The following LITAF variants were observed in gnomAD, a reference collection of about 807,000 sequenced individuals.
LITAF encodes lipopolysaccharide-induced tumor necrosis factor-alpha factor.
In LITAF, 9 loss-of-function variants were observed where a neutral mutation model predicts 14.5. That is an observed-to-expected ratio of 0.62 (90% confidence interval 0.37 to 1.08). The LOEUF (loss-of-function observed/expected upper bound fraction) is 1.08, where lower values mean the gene tolerates loss of function less well. LITAF is among the 50% of genes least tolerant of loss of function. The pLI is 0.01. For missense variants in LITAF, 206 were observed against 213.4 expected (o/e 0.97, Z 0.22); for synonymous variants, 98 against 88.2 (o/e 1.11, Z -0.62).
chr16:11,594,731 C>G (rs930443126), intron 1 of LITAF, among the ~76,000 whole-genome samples: 5 of 151,918 alleles, frequency 3.3e-5, no homozygotes, highest in Admixed American at 3.3e-4. Flanking sequence ...CAAAAATTAG[C>G]CGGGCATGGT....
intron 3 of LITAF, among the ~76,000 whole-genome samples, chr16:11,604,974 G>A (rs2064947433): frequency 6.6e-6 from 1 of 152,130 alleles, no homozygotes; most frequent in Non-Finnish European, 1.5e-5. Context: ...TGAAACATCT[G>A]TTCTCCTGTG....
At chr16:11,625,652 T>C (rs552909463) in intron 3 of LITAF, among the ~76,000 whole-genome samples, 28 of 152,238 alleles carry the variant, frequency 1.8e-4, no homozygotes, top group Non-Finnish European at 3.8e-4. Flanking sequence ...AAACCCTGAG[T>C]TCCCCTAGGT....
At chr16:11,555,219 A>G (rs1392158473) in intron 2 of LITAF, among the ~76,000 whole-genome samples, 6 of 152,090 alleles carry the variant, frequency 3.9e-5, no homozygotes, top group African/African-American at 7.2e-5. Context: ...CATAGAGACA[A>G]TGTCTCACTA....
intron 1 of LITAF, among the ~76,000 whole-genome samples, chr16:11,563,032 G>A (rs1205417306): frequency 6.6e-6 from 1 of 151,828 alleles, no homozygotes; most frequent in Non-Finnish European, 1.5e-5. Flanking sequence ...GGAAGCTGAG[G>A]TCGGAGGATT....
In LITAF at chr16:11,547,922, A is replaced by C. The variant is rs1274970328; in HGVS notation, c.*1715T>G. ...AAGGATTTTCTACCGTTACTGAACAAATAAAGGTTCTTTGTAGCAATGGCT... is the reference window on the plus strand; with the variant it reads ...AAGGATTTTCTACCGTTACTGAACACATAAAGGTTCTTTGTAGCAATGGCT... On this transcript the variant is annotated 3_prime_UTR_variant, in exon 4 of 4. Coordinates refer to ENST00000622633, the MANE Select transcript of LITAF (RefSeq NM_001136472.2). The C allele has an allele frequency of 8.8e-6, 4 of 454,046 alleles. No individual in the cohort carries two copies. The East Asian group carries it at 2.8e-4, about 32-fold the overall frequency. The allele number at this position is 454,046 out of a possible 1,614,324, so 28.1% of individuals were successfully genotyped here. A position where few individuals can be genotyped will look rare whatever the true frequency, so the allele number is the denominator to read the frequency against.
intron 3 of LITAF, among the ~76,000 whole-genome samples, chr16:11,621,853 C>T (rs1171856064): frequency 6.6e-6 from 1 of 152,020 alleles, no homozygotes; most frequent in Admixed American, 6.6e-5. Context: ...CTCAGAGCTC[C>T]GGGGCAATGC....
At chr16:11,619,295 A>C (rs973317492) in intron 3 of LITAF, among the ~76,000 whole-genome samples, 1 of 151,796 alleles carries the variant, frequency 6.6e-6, no homozygotes, top group Non-Finnish European at 1.5e-5. Flanking sequence ...TGGGTGACAA[A>C]GCAAGACTTC....
intron 3 of LITAF, among the ~76,000 whole-genome samples, chr16:11,615,636 C>T (rs1464297885): frequency 6.6e-6 from 1 of 151,960 alleles, no homozygotes; most frequent in African/African-American, 2.4e-5. Flanking sequence ...CCACTGCACT[C>T]CAGCCTGGGA....
intron 3 of LITAF, chr16:11,551,662 CACAA>C: frequency 1.8e-6 from 1 of 543,978 alleles, no homozygotes; most frequent in Non-Finnish European, 3.3e-6. Flanking sequence ...CTTCCACACA[CACAA>C]AAAAAAAATT....
intron 1 of LITAF, among the ~76,000 whole-genome samples, chr16:11,581,526 G>A (rs956793372): frequency 1.3e-5 from 2 of 152,104 alleles, no homozygotes; most frequent in African/African-American, 4.8e-5. Flanking sequence ...GAGGTGGAAG[G>A]ATGGCTTGAG....
rs78791063 is a variant in LITAF, at chr16:11,568,415, C to T, written c.-5-11680G>A. On this transcript the variant is annotated intron_variant, in intron 1 of 3. Transcript: ENST00000622633. Reference sequence around the variant, plus strand: ...AAATTCAGAAATACTTGTCACTCCACGCTCATCACCTGGTCCTTGGGGTAG... The same window carrying T: ...AAATTCAGAAATACTTGTCACTCCATGCTCATCACCTGGTCCTTGGGGTAG... 7.9e-5 allele frequency among the ~76,000 whole-genome samples: 12 copies of T among 152,256 alleles called. No individual in the cohort carries two copies. In the East Asian group the frequency reaches 1.5e-3, roughly 20 times the overall value.
chr16:11,574,022 T>C (rs2064590393), intron 1 of LITAF, among the ~76,000 whole-genome samples: 1 of 148,896 alleles, frequency 6.7e-6, no homozygotes, highest in Non-Finnish European at 1.5e-5. Context: ...TTTTTTTTTG[T>C]TGTTGTTTTT....
At chr16:11,623,677 T>G (rs2065065291) in intron 3 of LITAF, among the ~76,000 whole-genome samples, 1 of 140,742 alleles carries the variant, frequency 7.1e-6, no homozygotes, top group African/African-American at 2.7e-5. Context: ...AAAAAGGATC[T>G]CTCTCTTGGC....
At chr16:11,569,734 G>T (rs1468775560) in intron 1 of LITAF, among the ~76,000 whole-genome samples, 3 of 152,154 alleles carry the variant, frequency 2.0e-5, no homozygotes, top group African/African-American at 7.2e-5. Flanking sequence ...AGGGCTAAAA[G>T]AAAGGTAAGA....
At chr16:11,594,227 T>A (rs970248982) in intron 1 of LITAF, among the ~76,000 whole-genome samples, 5 of 151,938 alleles carry the variant, frequency 3.3e-5, no homozygotes, top group African/African-American at 1.2e-4. Context: ...TGGTGGTGAC[T>A]GCAAAACACT....
At chr16:11,639,993 T>G (rs1355835184), upstream of LITAF, among the ~76,000 whole-genome samples, 5 of 152,310 alleles carry the variant, frequency 3.3e-5, no homozygotes, top group African/African-American at 1.2e-4. Flanking sequence ...CAGGCTGGTC[T>G]TGAACTCCTG....
chr16:11,612,097 G>C (rs1048251045), intron 3 of LITAF, among the ~76,000 whole-genome samples: 108 of 152,282 alleles, frequency 7.1e-4, no homozygotes, highest in African/African-American at 2.5e-3. Flanking sequence ...TGGCAAAGAG[G>C]GTTATGTGGG....
intron 2 of LITAF, among the ~76,000 whole-genome samples, chr16:11,556,062 G>T (rs2064262697): frequency 6.6e-6 from 1 of 152,198 alleles, no homozygotes; most frequent in Non-Finnish European, 1.5e-5. Flanking sequence ...TTGCTCAAAA[G>T]CAGAAGAGCA....
Position 11,553,857 on chromosome 16 carries a change from A to T in LITAF, c.221-168T>A, listed in dbSNP as rs897573619. The T allele has an allele frequency of 4.3e-6, 3 of 700,944 alleles. No individual in the cohort carries two copies. The highest frequency in any genetic ancestry group is 7.3e-6 in the Non-Finnish European group (3 of 408,286). The allele number at this position is 700,944 out of a possible 1,614,324, so 43.4% of individuals were successfully genotyped here. ...GCTATCTATGAGAGCCAAAAGGGGA[A>T]GGAACACCAGTGTCCATCGACGGAC... On this transcript the variant is annotated intron_variant, in intron 2 of 3. Coordinates refer to ENST00000622633, the MANE Select transcript of LITAF (RefSeq NM_001136472.2). This position sits in a 1 kb window ranked among gnomAD's most constrained non-coding sequence, Gnocchi z 7.7.
Sources: allele counts gnomAD v4.1 joint callset (sites outside exome capture counted in the v4.1 genomes callset), GRCh38; gene constraint gnomAD v4.1.1; non-coding constraint Gnocchi (gnomAD v3.1); transcripts MANE v1.5; gene names NCBI Gene and HGNC (gene_info 2026-07-23, HGNC 2026-07-21).